Variants in FMN2 observed in about 807,000 individuals in gnomAD.
The protein encoded by FMN2 is formin 2.
In FMN2, 51 loss-of-function variants were observed where a neutral mutation model predicts 142.3. That is an observed-to-expected ratio of 0.36 (90% CI 0.29 to 0.45). The LOEUF (loss-of-function observed/expected upper bound fraction) is 0.45. Ranked by LOEUF, FMN2 falls within the 20% of genes least tolerant of loss-of-function variation. The pLI is 1.00. For synonymous variants in FMN2, 882 were observed against 869.8 expected, an observed-to-expected ratio of 1.01 and a Z score of -0.25; for missense variants, 1,936 against 2,122.8, an observed-to-expected ratio of 0.91 and a Z score of 1.73.
chr1:240,100,002 T>G lies in FMN2; in HGVS notation c.1615+6278T>G, dbSNP rs141038370. ...AGCACCGACTGTACTGAGGTCTTGATGAATACTTGCTCATTCACCATTTTT... is the reference window on the plus strand; with the variant it reads ...AGCACCGACTGTACTGAGGTCTTGAGGAATACTTGCTCATTCACCATTTTT... On this transcript the variant is annotated intron_variant, in intron 1 of 17. Coordinates refer to ENST00000319653, the MANE Select transcript of FMN2 (RefSeq NM_020066.5). Among the ~76,000 whole-genome samples, 1,235 of 152,312 alleles carry G rather than the reference T, an allele frequency of 8.1e-3. 16 individuals carry two copies. The highest frequency in any genetic ancestry group is 0.028 in the African/African-American group (1,144 of 41,568).
Position 240,092,603 on chromosome 1 carries a change from C to G in FMN2, c.494C>G (p.Thr165Ser), listed in dbSNP as rs1408429132. The G allele has an allele frequency of 6.2e-7, 1 of 1,614,010 alleles. No individual in the cohort carries two copies. The stretch of plus-strand genomic sequence containing the variant: ...CGGCCGATCGCCGAGGATGTGGAAA[C>G]TGCAGCAGGGGCGCAGGATGGACAA... ...GGRPIAEDVE[T>S]AAGAQDGQRT... Residue 165 changes from threonine (T) to serine (S), a missense_variant, in exon 1 of 18, where the codon ACT (threonine) becomes AGT (serine). Coordinates refer to ENST00000319653, the MANE Select transcript of FMN2 (RefSeq NM_020066.5).
chr1:240,450,330 T>C (rs1330609046), intron 16 of FMN2, among the ~76,000 whole-genome samples: 1 of 152,222 alleles, frequency 6.6e-6, no homozygotes, highest in Admixed American at 6.5e-5. Flanking sequence ...TTGAATATTG[T>C]CTTATGTGAA....
At chr1:240,296,126 C>CTGTTTCTCTATACTGCTACAGTT (rs2102963449) in intron 8 of FMN2, among the ~76,000 whole-genome samples, 5 of 151,596 alleles carry the variant, frequency 3.3e-5, no homozygotes, top group African/African-American at 1.2e-4. Flanking sequence ...TTCATTCTGC[C>CTGTTTCTCTATACTGCTACAGTT]TGTTTCTCTA....
At chr1:240,161,904 T>G (rs185214494) in intron 2 of FMN2, among the ~76,000 whole-genome samples, 108 of 151,834 alleles carry the variant, frequency 7.1e-4, no homozygotes, top group Non-Finnish European at 1.2e-3. Context: ...GCTTATGGAG[T>G]AGGCAAAAAC....
rs1188357729 is a variant in FMN2 at position 240,123,162 on chromosome 1, CTG to C, written c.1616-13_1616-12del. On this transcript the variant is annotated splice_polypyrimidine_tract_variant and intron_variant, in intron 1 of 17. Transcript: ENST00000319653. ...GATCGGCAGTGCTCGCTCTTAATGA[CTG>C]TGTTTCATCTGCAGGGCGAACGCTG... 3.7e-6 allele frequency: 6 copies of C among 1,613,682 alleles called. No individual in the cohort carries two copies. The highest frequency in any genetic ancestry group is 5.1e-6 in the Non-Finnish European group (6 of 1,179,870).
intron 7 of FMN2, among the ~76,000 whole-genome samples, chr1:240,274,453 G>A (rs953186518): frequency 6.6e-6 from 1 of 152,116 alleles, no homozygotes; most frequent in African/African-American, 2.4e-5. Context: ...TCAGCGGGGA[G>A]AGAATTGGAG....
At chr1:240,195,538 G>A (rs542069508) in intron 4 of FMN2, among the ~76,000 whole-genome samples, 2 of 152,286 alleles carry the variant, frequency 1.3e-5, no homozygotes, top group South Asian at 4.1e-4. Flanking sequence ...GTGTCTTTCA[G>A]CAGGAACACA....
rs35564573 is a variant in FMN2, at chr1:240,189,174, T to TAAA, written c.1986+922_1986+924dup. On this transcript the variant is annotated intron_variant, in intron 4 of 17. Coordinates refer to ENST00000319653, the MANE Select transcript of FMN2 (RefSeq NM_020066.5). ...AGCTATGCTAAAATGGATTTCTTAT[T>TAAA]AAAAAAAAAAAACTGCAAGAAAGGA... Among the ~76,000 whole-genome samples, 796 of 146,236 alleles carry TAAA rather than the reference T, an allele frequency of 5.4e-3. 2 individuals carry two copies. The highest frequency in any genetic ancestry group is 6.9e-3 in the Non-Finnish European group (460 of 66,634).
chr1:240,417,181 A>G (rs1273621658), intron 15 of FMN2, among the ~76,000 whole-genome samples: 1 of 148,536 alleles, frequency 6.7e-6, no homozygotes, highest in African/African-American at 2.5e-5. Context: ...AAATATTTGT[A>G]TGTCCTTGAG....
chr1:240,211,353 G>A (rs1361597225), intron 6 of FMN2, 118 bp downstream of exon 6: 2 of 929,364 alleles, frequency 2.2e-6, no homozygotes, highest in Non-Finnish European at 3.3e-6. Flanking sequence ...ATCTTAGGCA[G>A]ACAGCAAGGG....
At chr1:240,249,819 T>C (rs1259562823) in intron 6 of FMN2, among the ~76,000 whole-genome samples, 1 of 152,132 alleles carries the variant, frequency 6.6e-6, no homozygotes, top group African/African-American at 2.4e-5. Context: ...TCTGTCTTCT[T>C]GGTTAAATTT....
chr1:240,257,418 C>T (rs1411456412), intron 6 of FMN2, among the ~76,000 whole-genome samples: 1 of 152,112 alleles, frequency 6.6e-6, no homozygotes, highest in Admixed American at 6.5e-5. Flanking sequence ...AAATAGTGAG[C>T]TTTCTATGTG....
At chr1:240,361,184 T>TAA (rs1553368744) in intron 14 of FMN2, among the ~76,000 whole-genome samples, 37 of 102,724 alleles carry the variant, frequency 3.6e-4, no homozygotes, top group East Asian at 1.2e-3. Flanking sequence ...TATATATATA[T>TAA]AAAAGAGTTT....
intron 6 of FMN2, among the ~76,000 whole-genome samples, chr1:240,251,460 A>C (rs1668276089): frequency 6.6e-6 from 1 of 152,186 alleles, no homozygotes; most frequent in Admixed American, 6.5e-5. Flanking sequence ...TTCGATATTT[A>C]AAATGTGTTG....
intron 8 of FMN2, among the ~76,000 whole-genome samples, chr1:240,328,559 TTTTATTTATTTATTTATTTATTTA>T (rs200121171): frequency 7.8e-5 from 11 of 140,316 alleles, no homozygotes; most frequent in Non-Finnish European, 1.5e-4. Context: ...TTACACTTTA[TTTTATTTATTTATTTATTTATTTA>T]TTTATTTATT....
At chr1:240,162,826 G>C (rs1664335403) in intron 2 of FMN2, among the ~76,000 whole-genome samples, 1 of 151,954 alleles carries the variant, frequency 6.6e-6, no homozygotes, top group Admixed American at 6.6e-5. Flanking sequence ...AAATTCTTTA[G>C]ATGGATATTT....
chr1:240,468,105 T>A (rs748820523), intron 16 of FMN2, among the ~76,000 whole-genome samples: 18 of 152,172 alleles, frequency 1.2e-4, no homozygotes, highest in Non-Finnish European at 5.9e-5. Context: ...ATCTTAAAAT[T>A]TTTACTTCCC....
chr1:240,198,078 A>G (rs981707451), intron 4 of FMN2, among the ~76,000 whole-genome samples: 2 of 152,234 alleles, frequency 1.3e-5, no homozygotes, highest in African/African-American at 4.8e-5. Flanking sequence ...TGCACTTTCC[A>G]TCCATAGATC....
intron 8 of FMN2, among the ~76,000 whole-genome samples, chr1:240,326,758 T>G (rs1671184752): frequency 6.6e-6 from 1 of 152,030 alleles, no homozygotes; most frequent in African/African-American, 2.4e-5. Flanking sequence ...GGGGTTAGGC[T>G]CGGAGATAGT....
Sources: allele counts gnomAD v4.1 joint callset (sites outside exome capture counted in the v4.1 genomes callset), GRCh38; gene constraint gnomAD v4.1.1; transcripts MANE v1.5; gene names NCBI Gene and HGNC (gene_info 2026-07-23, HGNC 2026-07-21).